Variants in SP140 observed in about 807,000 individuals in gnomAD.
SP140 encodes SP140 nuclear body protein.
Under a neutral mutation model 125.0 loss-of-function variants are expected in SP140, and 81 were observed. That is an observed-to-expected ratio of 0.65 (90% confidence interval 0.54 to 0.78). The LOEUF is 0.78. SP140 is among the 30% of genes least tolerant of loss of function. SP140 has a pLI of 0.00. For synonymous variants in SP140, 312 were observed against 354.0 expected (o/e 0.88, Z 1.33); for missense variants, 858 against 1,037.0 (o/e 0.83, Z 2.37).
intron 12 of SP140, among the ~76,000 whole-genome samples, chr2:230,261,497 G>A (rs2052231591): frequency 6.6e-6 from 1 of 152,160 alleles, no homozygotes. Flanking sequence ...ATGTTGAAGA[G>A]GAGTGGCGAG....
the SP140 span, among the ~76,000 whole-genome samples, chr2:230,192,240 T>G: frequency 6.6e-6 from 1 of 152,176 alleles, no homozygotes; most frequent in Non-Finnish European, 1.5e-5. Context: ...AAGGATGCCC[T>G]CTCTCACCAT....
chr2:230,269,266 TTTCTGGAATGATAAGAGTTTCCTTGC>T (rs1289834698), intron 12 of SP140, among the ~76,000 whole-genome samples: 1 of 152,224 alleles, frequency 6.6e-6, no homozygotes, highest in Admixed American at 6.5e-5. Context: ...ACAGTAGTAT[TTTCTGGAATGATAAGAGTTTCCTTGC>T]TTTATTCTCA....
chr2:230,278,591 GC>G (rs1450937960), intron 15 of SP140, among the ~76,000 whole-genome samples: 2 of 152,004 alleles, frequency 1.3e-5, no homozygotes, highest in African/African-American at 2.4e-5. Flanking sequence ...ACCTCAAGGA[GC>G]TTTTCCTCTG....
rs2054407397 is a variant in SP140, at chr2:230,274,444, T to C, written c.1498+3805T>C. 2.6e-5 allele frequency among the ~76,000 whole-genome samples: 4 copies of C among 152,262 alleles called. No homozygotes were observed. The South Asian group carries it at 8.3e-4, about 32-fold the overall frequency. On this transcript the variant is annotated intron_variant, in intron 15 of 26. Coordinates refer to ENST00000392045, the MANE Select transcript of SP140 (RefSeq NM_007237.5). ...TGGTCAGAGAGAATAGAGCTGGATG[T>C]GGAGATGGATGCAGGGGTCCATCAA...
At chr2:230,241,844 T>C (rs990906330) in intron 4 of SP140, among the ~76,000 whole-genome samples, 1 of 152,224 alleles carries the variant, frequency 6.6e-6, no homozygotes, top group Non-Finnish European at 1.5e-5. Flanking sequence ...TTAATTAATT[T>C]CATAGAACTA....
At chr2:230,200,924 A>G, upstream of SP140, 1 of 1,613,908 alleles carries the variant, frequency 6.2e-7, no homozygotes, top group Non-Finnish European at 8.5e-7. Context: ...GTCTTCTGGG[A>G]CCTCTTTCCT....
chr2:230,194,193 G>A, the SP140 span, among the ~76,000 whole-genome samples: 3 of 152,130 alleles, frequency 2.0e-5, no homozygotes, highest in Non-Finnish European at 2.9e-5. Flanking sequence ...TTCATGTTTG[G>A]GAGCTGGGAC....
At chr2:230,270,366 A>C (rs184530345) in intron 14 of SP140, among the ~76,000 whole-genome samples, 5 of 151,970 alleles carry the variant, frequency 3.3e-5, no homozygotes, top group Non-Finnish European at 7.4e-5. Context: ...CTGCAGGTCT[A>C]CTCTTCTTAG....
intron 3 of SP140, among the ~76,000 whole-genome samples, chr2:230,240,843 A>C (rs2048622808): frequency 6.6e-6 from 1 of 152,194 alleles, no homozygotes; most frequent in Non-Finnish European, 1.5e-5. Context: ...TCATGCAAAG[A>C]TTTGTTTAAG....
intron 20 of SP140, among the ~76,000 whole-genome samples, chr2:230,293,739 T>C (rs1214179058): frequency 6.6e-6 from 1 of 152,210 alleles, no homozygotes. Context: ...TGTTCATTGA[T>C]TGACCTGTCA....
chr2:230,248,110 GA>G, intron 8 of SP140, 45 bp downstream of exon 8: 1 of 1,596,746 alleles, frequency 6.3e-7, no homozygotes. Flanking sequence ...GTGAAAATGA[GA>G]GTGCCAACAT....
chr2:230,238,033 CAG>C (rs2048226299), intron 2 of SP140, among the ~76,000 whole-genome samples, 178 bp from the exon 3 acceptor site: 1 of 152,190 alleles, frequency 6.6e-6, no homozygotes, highest in African/African-American at 2.4e-5. Context: ...ACAACAATGT[CAG>C]AGAGTCAGGT....
intron 15 of SP140, among the ~76,000 whole-genome samples, chr2:230,274,964 TA>T (rs571018554): frequency 1.1e-4 from 16 of 152,012 alleles, no homozygotes; most frequent in South Asian, 6.2e-4. Context: ...AACTTAACTG[TA>T]AAAAAAAGTT....
chr2:230,214,573 A>G (rs2148937150), intron 3 of SP140, among the ~76,000 whole-genome samples: 1 of 152,310 alleles, frequency 6.6e-6, no homozygotes, highest in Non-Finnish European at 1.5e-5. Context: ...GATACTTATT[A>G]TTATCCGTCC....
intron 1 of SP140, among the ~76,000 whole-genome samples, chr2:230,231,293 A>ACTT (rs1174808518): frequency 1.3e-5 from 2 of 152,184 alleles, no homozygotes; most frequent in East Asian, 3.9e-4. Context: ...ACACTGTGTT[A>ACTT]CTTCTTGCCT....
intron 21 of SP140, among the ~76,000 whole-genome samples, chr2:230,295,991 C>T (rs759532129): frequency 6.6e-6 from 1 of 151,844 alleles, no homozygotes; most frequent in South Asian, 2.1e-4. Flanking sequence ...ATAATGCCAG[C>T]ATTTTGAGAG....
chr2:230,275,010 A>G (rs890831123), intron 15 of SP140, among the ~76,000 whole-genome samples: 1 of 152,034 alleles, frequency 6.6e-6, no homozygotes, highest in African/African-American at 2.4e-5. Flanking sequence ...CATTGCTTTC[A>G]TTTTTGGTGC....
upstream of SP140, among the ~76,000 whole-genome samples, chr2:230,221,400 G>C (rs1354864238): frequency 1.3e-5 from 2 of 152,116 alleles, no homozygotes; most frequent in Admixed American, 6.5e-5. Context: ...AAAGATGGGA[G>C]ACATGGATCT....
At chr2:230,267,439 C>G (rs1226927635) in intron 12 of SP140, among the ~76,000 whole-genome samples, 2 of 152,314 alleles carry the variant, frequency 1.3e-5, no homozygotes, top group East Asian at 3.9e-4. Context: ...AACAGTGTTC[C>G]TCAGATAATG....
Sources: allele counts gnomAD v4.1 joint callset (sites outside exome capture counted in the v4.1 genomes callset), GRCh38; gene constraint gnomAD v4.1.1; transcripts MANE v1.5; gene names NCBI Gene and HGNC (gene_info 2026-07-23, HGNC 2026-07-21).